CHCT1: variants seen among roughly 807,000 people sequenced by gnomAD.
CHCT1 encodes CHD1 helical C-terminal domain containing protein 1.
the CHCT1 span, chr17:60,425,848 C>T: frequency 1.9e-6 from 3 of 1,551,780 alleles, no homozygotes; most frequent in Non-Finnish European, 2.6e-6. Context: ...CGCTCATGCG[C>T]CATGCCAAGG....
the CHCT1 span, chr17:60,425,765 C>G: frequency 1.8e-5 from 27 of 1,532,010 alleles, no homozygotes; most frequent in South Asian, 3.6e-5. Context: ...CGGCTTAGTG[C>G]CCCCTGCCTC....
At chr17:60,421,910 C>G in the CHCT1 span, 489 of 985,400 alleles carry the variant, frequency 5.0e-4, no homozygotes, top group Non-Finnish European at 5.7e-4. Context: ...GAAGCGGGAC[C>G]GCTGCGGTAC....
chr17:60,426,073 G>A, the CHCT1 span: 11 of 1,427,036 alleles, frequency 7.7e-6, no homozygotes, highest in South Asian at 5.3e-5. Flanking sequence ...TCAGGGCTGC[G>A]GCCAGACCGG....
At chr17:60,425,547 A>C in the CHCT1 span, among the ~76,000 whole-genome samples, 1 of 152,244 alleles carries the variant, frequency 6.6e-6, no homozygotes, top group African/African-American at 2.4e-5. Flanking sequence ...GCAGTTACCT[A>C]GTAGAATATG....
At chr17:60,426,421 C>T in the CHCT1 span, 4 of 1,363,076 alleles carry the variant, frequency 2.9e-6, no homozygotes, top group African/African-American at 4.4e-5. Flanking sequence ...GTCAATCCCC[C>T]AGTCCTTCAT....
chr17:60,425,719 G>T, the CHCT1 span: 1 of 1,301,302 alleles, frequency 7.7e-7, no homozygotes, highest in East Asian at 2.5e-5. Context: ...GTCAGTCCCT[G>T]CCAGCACTGC....
the CHCT1 span, chr17:60,421,262 A>G: frequency 1.4e-6 from 1 of 707,500 alleles, no homozygotes; most frequent in African/African-American, 1.9e-5. Context: ...CAACAACGAC[A>G]ACAATAACAA....
At chr17:60,431,312 C>A in the CHCT1 span, 1 of 1,405,892 alleles carries the variant, frequency 7.1e-7, no homozygotes, top group Non-Finnish European at 9.9e-7. Flanking sequence ...GCTCTCAGAG[C>A]ACGGGGAATG....
At chr17:60,426,215 A>G in the CHCT1 span, 6 of 1,551,864 alleles carry the variant, frequency 3.9e-6, no homozygotes, top group Non-Finnish European at 5.2e-6. Flanking sequence ...GCACCTGCCC[A>G]GGGACCTTCC....
chr17:60,426,949 C>A, the CHCT1 span: 7 of 1,476,718 alleles, frequency 4.7e-6, no homozygotes, highest in African/African-American at 7.0e-5. Context: ...CAGGGCAAGA[C>A]TCTGCTGCTT....
chr17:60,425,896 G>A, the CHCT1 span: 13 of 1,541,850 alleles, frequency 8.4e-6, no homozygotes, highest in African/African-American at 1.5e-4. Flanking sequence ...TGAGTAAAGA[G>A]CCAGCCTGGA....
At chr17:60,421,463 G>A in the CHCT1 span, 16 of 985,452 alleles carry the variant, frequency 1.6e-5, no homozygotes, top group East Asian at 1.1e-4. Flanking sequence ...GCACTGTCGC[G>A]AAGGCAGGCG....
the CHCT1 span, chr17:60,426,475 C>G: frequency 9.0e-7 from 1 of 1,105,994 alleles, no homozygotes; most frequent in Non-Finnish European, 1.3e-6. Flanking sequence ...GGAGAGAGCT[C>G]CTAGTCACTC....
the CHCT1 span, chr17:60,421,245 A>C: frequency 3.6e-6 from 2 of 550,890 alleles, no homozygotes; most frequent in Non-Finnish European, 4.6e-6. Context: ...TCCTCCCCTT[A>C]CAACAACAAC....
the CHCT1 span, among the ~76,000 whole-genome samples, chr17:60,430,627 T>C: frequency 2.0e-5 from 3 of 152,194 alleles, no homozygotes; most frequent in African/African-American, 7.2e-5. Flanking sequence ...ATTACAGGCA[T>C]GTGCCACCAC....
the CHCT1 span, chr17:60,426,528 GT>G: frequency 9.5e-7 from 1 of 1,058,200 alleles, no homozygotes; most frequent in Non-Finnish European, 1.3e-6. Context: ...GAACAACTGC[GT>G]GCAGGCGCTC....
the CHCT1 span, chr17:60,425,975 G>A: frequency 2.0e-5 from 26 of 1,298,400 alleles, no homozygotes; most frequent in South Asian, 1.0e-4. Context: ...GACCCACAGC[G>A]CATTGCCCCA....
At chr17:60,421,856 G>T in the CHCT1 span, 1 of 985,442 alleles carries the variant, frequency 1.0e-6, no homozygotes, top group Non-Finnish European at 1.2e-6. Context: ...CTGCGCACAC[G>T]AGGCCGGCGA....
At chr17:60,421,529 G>T in the CHCT1 span, 2 of 985,374 alleles carry the variant, frequency 2.0e-6, no homozygotes, top group Non-Finnish European at 2.4e-6. Flanking sequence ...AGGACACGAA[G>T]GAAGGTCCGG....
Sources: gnomAD v4.1 joint callset for allele counts (sites outside exome capture counted in the v4.1 genomes callset) on GRCh38, gnomAD v4.1.1 for gene constraint, MANE v1.5 for transcripts, NCBI Gene and HGNC (gene_info 2026-07-23, HGNC 2026-07-21) for gene names.